Variants in HIVEP3 observed in about 807,000 individuals in gnomAD.
The protein encoded by HIVEP3 is HIVEP zinc finger 3.
HIVEP3 carries 49 observed loss-of-function variants against 152.8 expected under a neutral mutation model. The observed-to-expected ratio is 0.32, with a 90% CI of 0.26 to 0.41. HIVEP3 has a LOEUF of 0.41. Among genes scored for constraint, HIVEP3 ranks in the 10% least tolerant of loss-of-function variants. The probability of loss-of-function intolerance (pLI) is 1.00; values close to 1 mark genes in which losing one functional copy is unlikely to be tolerated. For missense variants in HIVEP3, 2,790 were observed against 3,103.3 expected, an observed-to-expected ratio of 0.90 and a Z score of 2.40; for synonymous variants, 1,269 against 1,289.0, an observed-to-expected ratio of 0.98 and a Z score of 0.33.
rs151158775 is a variant in HIVEP3 at position 41,909,593 on chromosome 1, TAA to T, written c.-801+8818_-801+8819del. ...AAGCATACAAACATCAGTAATGATA[TAA>T]AAGACTTGGACAACACAGTGAAGAA... On this transcript the variant is annotated intron_variant, in intron 1 of 8. Coordinates refer to ENST00000372583, the MANE Select transcript of HIVEP3 (RefSeq NM_024503.5). 8.6e-3 allele frequency among the ~76,000 whole-genome samples: 1,307 copies of T among 152,206 alleles called. 19 individuals carry two copies. The highest frequency in any genetic ancestry group is 0.03 in the African/African-American group (1,254 of 41,574).
intron 3 of HIVEP3, among the ~76,000 whole-genome samples, chr1:41,596,976 G>T (rs1341683476): frequency 6.6e-6 from 1 of 152,154 alleles, no homozygotes; most frequent in Non-Finnish European, 1.5e-5. Context: ...CTTGTTAACT[G>T]CTTTTTCCCT....
chr1:41,567,630 G>A (rs908542452), intron 5 of HIVEP3, among the ~76,000 whole-genome samples: 1 of 152,340 alleles, frequency 6.6e-6, no homozygotes. Flanking sequence ...CCCTCACCCA[G>A]AGCTGAGAAC....
At chr1:41,899,702 T>G (rs902991190) in intron 1 of HIVEP3, among the ~76,000 whole-genome samples, 1 of 152,234 alleles carries the variant, frequency 6.6e-6, no homozygotes, top group Non-Finnish European at 1.5e-5. Context: ...ATAAGCATTA[T>G]AGAGTCTAAT....
chr1:41,756,598 A>G (rs1219906895), intron 1 of HIVEP3, among the ~76,000 whole-genome samples: 2 of 152,212 alleles, frequency 1.3e-5, no homozygotes, highest in African/African-American at 4.8e-5. Flanking sequence ...TCATGCCAAT[A>G]ATTGGTTAAA....
chr1:41,960,372 T>C (rs553326608), intron 1 of HIVEP3, among the ~76,000 whole-genome samples: 43 of 152,114 alleles, frequency 2.8e-4, no homozygotes, highest in Non-Finnish European at 5.4e-4. Context: ...TTCTTAATGG[T>C]ACAAGCAGTA....
intron 1 of HIVEP3, among the ~76,000 whole-genome samples, chr1:41,809,499 T>C (rs1261949552): frequency 6.6e-6 from 1 of 152,224 alleles, no homozygotes. Context: ...TGCAAATTGT[T>C]TTCTCTCTCT....
rs151331843 is a variant in HIVEP3 at position 41,890,669 on chromosome 1, G to A, written c.-801+27744C>T. On this transcript the variant is annotated intron_variant, in intron 1 of 8. Transcript: ENST00000372583. ...CCCCGGAAAACCAACTTGGTAAGTG[G>A]TGGAGCTGGGATTCAAGCCCACATT... 2.8e-3 allele frequency among the ~76,000 whole-genome samples: 424 copies of A among 152,322 alleles called. 3 individuals are homozygous for A. Among genetic ancestry groups the A allele is most frequent in the African/African-American group, 9.6e-3 (398 of 41,572 alleles).
rs199947047 is a variant in HIVEP3, at chr1:41,774,772, TTTTATTTA to T, written c.-800-73785_-800-73778del. Among the ~76,000 whole-genome samples, 1,005 of 143,774 alleles carry T rather than the reference TTTTATTTA, an allele frequency of 7.0e-3. 7 individuals carry two copies. The highest frequency in any genetic ancestry group is 0.019 in the African/African-American group (703 of 37,694). The allele number at this position is 143,774 out of a possible 152,430, so 94.3% of individuals were successfully genotyped here. A position where few individuals can be genotyped will look rare whatever the true frequency, so the allele number is the denominator to read the frequency against. On this transcript the variant is annotated intron_variant, in intron 1 of 8. Coordinates refer to ENST00000372583, the MANE Select transcript of HIVEP3 (RefSeq NM_024503.5). Reference sequence around the variant, plus strand: ...CTTAAGTTTTCACAAGCATCTTTTATTTTATTTATTTATTTATTTATTTATTTATTTAT... The same window carrying T: ...CTTAAGTTTTCACAAGCATCTTTTATTTTATTTATTTATTTATTTATTTAT...
At chr1:41,819,007 C>G (rs1176670459) in intron 1 of HIVEP3, among the ~76,000 whole-genome samples, 1 of 152,106 alleles carries the variant, frequency 6.6e-6, no homozygotes, top group Admixed American at 6.5e-5. Context: ...AGGTATGGGC[C>G]GGAAGCTATT....
rs116403684 is a variant in HIVEP3, at chr1:41,538,516, T to C, written c.5208-13606A>G. ...TTTACTATTGTGATTTTTTTAATAC[T>C]AGGAAAACATCAGCTCCCAGTGGCA... On this transcript the variant is annotated intron_variant, in intron 5 of 8. Coordinates refer to ENST00000372583, the MANE Select transcript of HIVEP3 (RefSeq NM_024503.5). Among the ~76,000 whole-genome samples the C allele has an allele frequency of 2.7e-3, 415 of 152,288 alleles. 3 individuals carry two copies. The highest frequency in any genetic ancestry group is 9.6e-3 in the African/African-American group (399 of 41,546).
intron 1 of HIVEP3, among the ~76,000 whole-genome samples, chr1:41,954,307 G>C (rs1367788953): frequency 6.6e-6 from 1 of 152,196 alleles, no homozygotes; most frequent in Non-Finnish European, 1.5e-5. Context: ...AAACCCCCAA[G>C]AACTCATTAG....
intron 2 of HIVEP3, among the ~76,000 whole-genome samples, chr1:41,681,562 T>C (rs1288648917): frequency 6.6e-6 from 1 of 152,174 alleles, no homozygotes; most frequent in Non-Finnish European, 1.5e-5. Flanking sequence ...CAGGGTTAGT[T>C]TGTGAGCCAC....
intron 1 of HIVEP3, among the ~76,000 whole-genome samples, chr1:41,978,396 G>T (rs954091180): frequency 1.3e-5 from 2 of 152,296 alleles, no homozygotes; most frequent in African/African-American, 4.8e-5. Flanking sequence ...ACATAAGGGT[G>T]GGTCCAGTAC....
intron 2 of HIVEP3, among the ~76,000 whole-genome samples, chr1:41,668,313 T>C (rs997373156): frequency 3.9e-5 from 6 of 152,210 alleles, no homozygotes; most frequent in Admixed American, 3.3e-4. Flanking sequence ...GCCGAAGACA[T>C]GGGCGAGAGA....
At chr1:41,975,691 T>C (rs1351930604) in intron 1 of HIVEP3, among the ~76,000 whole-genome samples, 1 of 152,226 alleles carries the variant, frequency 6.6e-6, no homozygotes, top group African/African-American at 2.4e-5. Flanking sequence ...AAAGAAAGCA[T>C]AATGCCAAGG....
intron 1 of HIVEP3, among the ~76,000 whole-genome samples, chr1:42,005,755 T>C (rs186346709): frequency 3.3e-5 from 5 of 152,368 alleles, no homozygotes; most frequent in African/African-American, 1.2e-4. Flanking sequence ...TTGAATGCAC[T>C]ACTCATCTGA....
intron 1 of HIVEP3, among the ~76,000 whole-genome samples, chr1:41,715,423 C>T (rs145207160): frequency 3.3e-5 from 5 of 152,224 alleles, no homozygotes; most frequent in East Asian, 1.9e-4. Context: ...AGGGGACCCA[C>T]GGCAAGCCTG....
intron 2 of HIVEP3, among the ~76,000 whole-genome samples, chr1:41,693,425 C>T (rs56843245): frequency 1.8e-3 from 272 of 152,310 alleles, no homozygotes; most frequent in African/African-American, 6.0e-3. Flanking sequence ...GGTGATGACT[C>T]TTCACATGCT....
intron 3 of HIVEP3, among the ~76,000 whole-genome samples, chr1:41,614,144 C>A (rs1644934931): frequency 1.3e-5 from 2 of 152,166 alleles, no homozygotes; most frequent in African/African-American, 4.8e-5. Context: ...GAGGTAGCCA[C>A]AACATGGGCA....
Sources: allele counts gnomAD v4.1 joint callset (sites outside exome capture counted in the v4.1 genomes callset), GRCh38; gene constraint gnomAD v4.1.1; transcripts MANE v1.5; gene names NCBI Gene and HGNC (gene_info 2026-07-23, HGNC 2026-07-21).